Variants in DYM observed in about 807,000 individuals in gnomAD.
The protein encoded by DYM is dyggve-Melchior-Clausen syndrome protein.
DYM carries 78 observed loss-of-function variants against 93.1 expected under a neutral mutation model. That is an observed-to-expected ratio of 0.84 (90% confidence interval 0.70 to 1.01). The LOEUF (loss-of-function observed/expected upper bound fraction) is 1.01. Among genes scored for constraint, DYM ranks in the 50% least tolerant of loss-of-function variants. DYM has a pLI of 0.00. For synonymous variants in DYM, 321 were observed against 319.7 expected (o/e 1.00, Z -0.04); for missense variants, 789 against 845.0 (o/e 0.93, Z 0.82).
At chr18:49,087,023 A>G (rs371975579) in intron 17 of DYM, among the ~76,000 whole-genome samples, 3 of 151,944 alleles carry the variant, frequency 2.0e-5, no homozygotes, top group Non-Finnish European at 2.9e-5. Context: ...ATAAAAATAA[A>G]AGAGACTCCA....
At chr18:49,343,620 A>G (rs913995680) in intron 6 of DYM, among the ~76,000 whole-genome samples, 7 of 152,194 alleles carry the variant, frequency 4.6e-5, no homozygotes, top group African/African-American at 1.7e-4. Flanking sequence ...AGCACCTAAA[A>G]CAAGGACTGA....
chr18:49,322,992 C>T (rs1316384821), intron 8 of DYM, among the ~76,000 whole-genome samples: 3 of 152,156 alleles, frequency 2.0e-5, no homozygotes, highest in African/African-American at 7.2e-5. Flanking sequence ...CTACCTAACA[C>T]AAACATCTAC....
chr18:49,347,800 T>C (rs1008549972), intron 6 of DYM, among the ~76,000 whole-genome samples: 2 of 152,248 alleles, frequency 1.3e-5, no homozygotes, highest in African/African-American at 4.8e-5. Flanking sequence ...ACCAAAATTC[T>C]ACCATGCTGA....
chr18:49,218,133 C>T (rs892906194), intron 13 of DYM, among the ~76,000 whole-genome samples: 1 of 152,038 alleles, frequency 6.6e-6, no homozygotes, highest in Non-Finnish European at 1.5e-5. Context: ...GACTTTAAAC[C>T]AACAAAGGTC....
At chr18:49,364,198 AT>A (rs1256154213) in intron 5 of DYM, among the ~76,000 whole-genome samples, 2 of 152,196 alleles carry the variant, frequency 1.3e-5, no homozygotes, top group Non-Finnish European at 2.9e-5. Context: ...TAATCCCAGC[AT>A]TTTGTGAGGC....
At chr18:49,316,979 T>G (rs1201984397) in intron 8 of DYM, among the ~76,000 whole-genome samples, 1 of 152,208 alleles carries the variant, frequency 6.6e-6, no homozygotes, top group Non-Finnish European at 1.5e-5. Context: ...CTTGGTTGCT[T>G]CCAATTTGGG....
rs115556000 is a variant in DYM, at chr18:49,339,341, C to A, written c.495-5488G>T. Among the ~76,000 whole-genome samples, 801 of 152,352 alleles carry A rather than the reference C, an allele frequency of 5.3e-3. 8 individuals are homozygous for A. The highest frequency in any genetic ancestry group is 0.018 in the African/African-American group (751 of 41,574). ...TGACCCCAATCATGCCTGCTTCCTG[C>A]TATTCATGCCCTTGTGTAATCCCCT... On this transcript the variant is annotated intron_variant, in intron 6 of 17. Coordinates refer to ENST00000675505, the MANE Select transcript of DYM (RefSeq NM_001353214.3).
chr18:49,222,102 C>T (rs983372011), intron 13 of DYM, among the ~76,000 whole-genome samples: 22 of 151,154 alleles, frequency 1.5e-4, no homozygotes, highest in Admixed American at 1.2e-3. Flanking sequence ...TAGAAACACA[C>T]ACAAAAAAAT....
intron 11 of DYM, among the ~76,000 whole-genome samples, chr18:49,261,747 A>C (rs1164907731): frequency 6.6e-6 from 1 of 152,204 alleles, no homozygotes; most frequent in East Asian, 1.9e-4. Flanking sequence ...AAGTACAAAA[A>C]ACAATTGACA....
intron 15 of DYM, among the ~76,000 whole-genome samples, chr18:49,138,480 C>A (rs992063073): frequency 5.9e-5 from 9 of 152,156 alleles, no homozygotes; most frequent in African/African-American, 2.2e-4. Context: ...TACTTAATAC[C>A]TGCCCAGCAG....
At chr18:49,437,058 A>G (rs1277777817) in intron 1 of DYM, among the ~76,000 whole-genome samples, 1 of 152,126 alleles carries the variant, frequency 6.6e-6, no homozygotes, top group Non-Finnish European at 1.5e-5. Context: ...AAAATTTGTC[A>G]GATGTTTCTG....
chr18:49,404,970 G>A (rs1339246903), intron 2 of DYM, among the ~76,000 whole-genome samples: 1 of 144,376 alleles, frequency 6.9e-6, no homozygotes, highest in Non-Finnish European at 1.5e-5. Context: ...CCAAGGTTGC[G>A]CCATTGCACT....
chr18:49,107,588 T>C (rs2080968169), intron 16 of DYM, among the ~76,000 whole-genome samples: 1 of 152,226 alleles, frequency 6.6e-6, no homozygotes, highest in Non-Finnish European at 1.5e-5. Context: ...GGTTTTGGTG[T>C]GGATGTCCTT....
intron 15 of DYM, among the ~76,000 whole-genome samples, chr18:49,146,921 C>A (rs557834258): frequency 0.012 from 1,758 of 152,308 alleles, 18 homozygotes; most frequent in South Asian, 0.019. Context: ...AAGCTGGAGG[C>A]ATCACCCTAC....
At chr18:49,459,971 C>T (rs78034351) in intron 1 of DYM, among the ~76,000 whole-genome samples, 1,536 of 151,810 alleles carry the variant, frequency 0.01, 27 homozygotes, top group African/African-American at 0.036. Context: ...GATGGCTGCT[C>T]AACCCTGTGA....
intron 6 of DYM, among the ~76,000 whole-genome samples, chr18:49,355,326 T>C (rs2065455860): frequency 1.3e-5 from 2 of 152,004 alleles, no homozygotes; most frequent in African/African-American, 4.8e-5. Flanking sequence ...TAGACATCAA[T>C]GTATAGACAG....
chr18:49,218,589 G>C (rs2093196429), intron 13 of DYM, among the ~76,000 whole-genome samples: 1 of 152,040 alleles, frequency 6.6e-6, no homozygotes, highest in African/African-American at 2.4e-5. Flanking sequence ...CTAGAACTCA[G>C]GATTAAGAAA....
chr18:49,319,586 G>A (rs981714956), intron 8 of DYM, among the ~76,000 whole-genome samples: 5 of 152,174 alleles, frequency 3.3e-5, no homozygotes, highest in Non-Finnish European at 5.9e-5. Flanking sequence ...CTCGCATTTT[G>A]TTCTGGACAC....
chr18:49,076,434 C>T (rs1222670459), intron 17 of DYM, among the ~76,000 whole-genome samples: 4 of 152,176 alleles, frequency 2.6e-5, no homozygotes, highest in East Asian at 1.9e-4. Flanking sequence ...ATAACAAGCA[C>T]CATTTTGTTT....
Sources: gnomAD v4.1 joint callset for allele counts (sites outside exome capture counted in the v4.1 genomes callset) on GRCh38, gnomAD v4.1.1 for gene constraint, MANE v1.5 for transcripts, NCBI Gene and HGNC (gene_info 2026-07-23, HGNC 2026-07-21) for gene names.